Variants in SH3KBP1 observed in about 807,000 individuals in gnomAD.
SH3KBP1 encodes the protein SH3 domain-containing kinase-binding protein 1.
Under a neutral mutation model 50.1 loss-of-function variants are expected in SH3KBP1, and 8 were observed. The observed-to-expected ratio is 0.16, with a 90% CI of 0.09 to 0.29. SH3KBP1 has a LOEUF of 0.29. SH3KBP1 is among the 10% of genes least tolerant of loss of function. The pLI, the probability that SH3KBP1 is intolerant of heterozygous loss-of-function variation, is 1.00. For missense variants in SH3KBP1, 377 were observed against 535.2 expected (o/e 0.70, Z 2.92); for synonymous variants, 227 against 218.6 (o/e 1.04, Z -0.34).
chrX:19,769,670 G>A (rs1376884865), intron 2 of SH3KBP1, among the ~76,000 whole-genome samples: 1 of 111,002 alleles, frequency 9.0e-6, no homozygotes, highest in African/African-American at 3.3e-5. Flanking sequence ...GAGTACTGGA[G>A]CAGTAAAGAT....
chrX:19,652,776 G>C (rs1169388736), intron 6 of SH3KBP1, among the ~76,000 whole-genome samples: 17 of 111,620 alleles, frequency 1.5e-4, no homozygotes. Context: ...GAATAGTTGA[G>C]TGAACATCAT....
chrX:19,821,665 A>T (rs1243524516), intron 2 of SH3KBP1, among the ~76,000 whole-genome samples: 2 of 109,889 alleles, frequency 1.8e-5, no homozygotes, highest in African/African-American at 6.6e-5. Flanking sequence ...AGTAGCTGGG[A>T]CTACAGGCGG....
At chrX:19,572,337 A>G (rs764150109) in intron 12 of SH3KBP1, among the ~76,000 whole-genome samples, 13 of 105,310 alleles carry the variant, frequency 1.2e-4, no homozygotes, top group African/African-American at 4.2e-4. Flanking sequence ...TATATATGTT[A>G]TATATAGTAC....
Position 19,536,214 on chromosome X carries a change from C to T in SH3KBP1, c.*203G>A. ...TGCTCTGTGTAAGTCACAACGAGTG[C>T]CAGCCCCAGGACTAAACCCTGGGGA... is the stretch of plus-strand genomic sequence containing the variant. On this transcript the variant is annotated 3_prime_UTR_variant, in exon 18 of 18. Transcript: ENST00000397821. 1 of 337,385 alleles carries T rather than the reference C, an allele frequency of 3.0e-6. No individual in the cohort carries two copies. Among genetic ancestry groups the T allele is most frequent in the Non-Finnish European group, 5.3e-6 (1 of 188,114 alleles). The allele number at this position is 337,385 out of a possible 1,213,427, so 27.8% of individuals were successfully genotyped here.
chrX:19,668,723 G>A (rs1222714097), intron 6 of SH3KBP1, among the ~76,000 whole-genome samples: 3 of 102,307 alleles, frequency 2.9e-5, no homozygotes, highest in Admixed American at 2.2e-4. Context: ...GGTGGTGGGC[G>A]CCTGTAGTCC....
chrX:19,651,424 G>A (rs1450079535), intron 6 of SH3KBP1, among the ~76,000 whole-genome samples: 1 of 112,106 alleles, frequency 8.9e-6, no homozygotes, highest in African/African-American at 3.2e-5. Flanking sequence ...TCCAGGACCA[G>A]GGTTTACCTT....
chrX:19,856,844 A>G (rs2068654774), intron 1 of SH3KBP1, among the ~76,000 whole-genome samples: 1 of 108,541 alleles, frequency 9.2e-6, no homozygotes, highest in African/African-American at 3.4e-5. Flanking sequence ...ACAAGTATTT[A>G]CATCCTTATG....
intron 2 of SH3KBP1, among the ~76,000 whole-genome samples, chrX:19,757,006 C>T (rs902136088): frequency 9.0e-6 from 1 of 110,603 alleles, no homozygotes; most frequent in African/African-American, 3.3e-5. Context: ...ACCAGGTGGC[C>T]GAGGGACAGA....
intron 8 of SH3KBP1, among the ~76,000 whole-genome samples, chrX:19,626,405 TG>T (rs1301502451): frequency 9.0e-6 from 1 of 111,587 alleles, no homozygotes; most frequent in African/African-American, 3.3e-5. Context: ...AATGAATGAA[TG>T]AATGAATGAG....
intron 2 of SH3KBP1, among the ~76,000 whole-genome samples, chrX:19,779,759 A>G (rs1370416588): frequency 9.5e-6 from 1 of 105,759 alleles, no homozygotes; most frequent in African/African-American, 3.4e-5. Context: ...ACATGAACTC[A>G]TCATTTTTTA....
chrX:19,677,492 C>T (rs1206525047), intron 6 of SH3KBP1, among the ~76,000 whole-genome samples: 1 of 111,602 alleles, frequency 9.0e-6, no homozygotes, highest in African/African-American at 3.3e-5. Flanking sequence ...TTACAGTTCT[C>T]TCCCAATCAC....
At chrX:19,872,050 G>A (rs1034973845) in intron 1 of SH3KBP1, among the ~76,000 whole-genome samples, 4 of 108,826 alleles carry the variant, frequency 3.7e-5, no homozygotes, top group African/African-American at 1.0e-4. Flanking sequence ...TCAGGAGTTC[G>A]AGACCATCCT....
In SH3KBP1 at chrX:19,592,155, G is replaced by T. The variant is rs1441499112; in HGVS notation, c.1058-8C>A. 2 of 1,170,542 alleles carry T rather than the reference G, an allele frequency of 1.7e-6. No individual in the cohort carries two copies. The highest frequency in any genetic ancestry group is 2.2e-5 in the Admixed American group (1 of 45,788). On this transcript the variant is annotated splice_polypyrimidine_tract_variant and splice_region_variant and intron_variant, in intron 10 of 17. Coordinates refer to ENST00000397821, the MANE Select transcript of SH3KBP1 (RefSeq NM_031892.3). Reference sequence around the variant, plus strand: ...GTTTTCTCTCAGTGGTGCCTAGGAGGGAAAGGGTAATAGTGATCACAAAAT... The same window carrying T: ...GTTTTCTCTCAGTGGTGCCTAGGAGTGAAAGGGTAATAGTGATCACAAAAT...
intron 2 of SH3KBP1, among the ~76,000 whole-genome samples, chrX:19,771,252 G>A (rs149597056): frequency 3.6e-4 from 41 of 112,535 alleles, no homozygotes; most frequent in African/African-American, 1.3e-3. Flanking sequence ...TTTAAAGTAT[G>A]TCCAAAATTT....
intron 1 of SH3KBP1, among the ~76,000 whole-genome samples, chrX:19,869,708 C>G (rs1311977013): frequency 8.9e-6 from 1 of 112,318 alleles, no homozygotes; most frequent in Non-Finnish European, 1.9e-5. Flanking sequence ...TGTTTACACT[C>G]TAGGAACACA....
chrX:19,540,916 CCTA>C (rs1354395121), intron 16 of SH3KBP1, among the ~76,000 whole-genome samples: 9 of 111,011 alleles, frequency 8.1e-5, no homozygotes, highest in African/African-American at 2.0e-4. Flanking sequence ...GCAGTGCCTC[CCTA>C]CTTTTTTTTT....
At chrX:19,628,843 T>C (rs1174671339) in intron 8 of SH3KBP1, among the ~76,000 whole-genome samples, 2 of 111,329 alleles carry the variant, frequency 1.8e-5, no homozygotes, top group Non-Finnish European at 3.8e-5. Flanking sequence ...ACGCCTGTAA[T>C]CACAGCACTT....
At chrX:19,661,256 C>T (rs200286776) in intron 6 of SH3KBP1, among the ~76,000 whole-genome samples, 2 of 112,505 alleles carry the variant, frequency 1.8e-5, no homozygotes, top group East Asian at 5.6e-4. Context: ...GGAATCTACA[C>T]AACCACCAAA....
chrX:19,634,031 G>GGTGTGTGTGTGTGT (rs60109180), intron 7 of SH3KBP1, among the ~76,000 whole-genome samples: 20 of 32,166 alleles, frequency 6.2e-4, no homozygotes, highest in African/African-American at 1.8e-3. Flanking sequence ...TTTGTTCCCT[G>GGTGTGTGTGTGTGT]GTGTGTGTGT....
Sources: allele counts gnomAD v4.1 joint callset (sites outside exome capture counted in the v4.1 genomes callset), GRCh38; gene constraint gnomAD v4.1.1; transcripts MANE v1.5; gene names NCBI Gene and HGNC (gene_info 2026-07-23, HGNC 2026-07-21).